Variants in TRIM42 observed in about 807,000 individuals in gnomAD.
TRIM42 encodes tripartite motif containing 42, also known as tripartite motif-containing protein 42.
TRIM42 carries 59 observed loss-of-function variants against 64.9 expected under a neutral mutation model. The ratio of observed to expected loss-of-function variants is 0.91; its 90% CI spans 0.74 to 1.13. The LOEUF is 1.13. Among genes scored for constraint, TRIM42 ranks in the 50% most tolerant of loss-of-function variants. The pLI, the probability that TRIM42 is intolerant of heterozygous loss-of-function variation, is 0.00. For synonymous variants in TRIM42, 354 were observed against 346.3 expected (o/e 1.02, Z -0.25); for missense variants, 878 against 929.5 (o/e 0.94, Z 0.72).
intron 4 of TRIM42, among the ~76,000 whole-genome samples, chr3:140,698,807 T>C (rs1988921441): frequency 6.6e-6 from 1 of 152,134 alleles, no homozygotes; most frequent in African/African-American, 2.4e-5. Flanking sequence ...CATATGATCC[T>C]ATCTCCTATA....
rs927405743 is a variant in TRIM42, at chr3:140,678,984, C to G, written c.341+414C>G. ...CCAGGATCACACAGCTGGAAAGATA[C>G]AGAGTCAGGATTGGAACCTAAAATT... On this transcript the variant is annotated intron_variant, in intron 1 of 4. Transcript: ENST00000286349. 1.2e-4 allele frequency among the ~76,000 whole-genome samples: 18 copies of G among 152,018 alleles called. 1 individual carries two copies. The highest frequency in any genetic ancestry group is 2.9e-5 in the Non-Finnish European group (2 of 68,014).
At chr3:140,683,386 A>ACTTTTCTC (rs1239625910) in intron 2 of TRIM42, among the ~76,000 whole-genome samples, 1 of 151,878 alleles carries the variant, frequency 6.6e-6, no homozygotes, top group Admixed American at 6.6e-5. Flanking sequence ...TCACCTATGA[A>ACTTTTCTC]ACGGGAATAG....
At chr3:140,699,799 A>C (rs1246576254) in intron 4 of TRIM42, among the ~76,000 whole-genome samples, 3 of 152,184 alleles carry the variant, frequency 2.0e-5, no homozygotes, top group African/African-American at 7.2e-5. Context: ...ATCTAATATC[A>C]TGTATATAAT....
Position 140,682,698 on chromosome 3 carries a change from G to T in TRIM42, c.578G>T (p.Arg193Leu). 1 of 1,612,532 alleles carries T rather than the reference G, an allele frequency of 6.2e-7. No individual in the cohort carries two copies. The highest frequency in any genetic ancestry group is 8.5e-7 in the Non-Finnish European group (1 of 1,180,014). ...ATCCTCATCTGCCCAGTGTGCGACC[G>T]CTCGCACTGCATGCCCTACAGCAAC... ...FFILICPVCD[R>L]SHCMPYSNKM... is the part of the protein sequence containing the mutation. Residue 193 changes from arginine (R) to leucine (L), a missense_variant, in exon 2 of 5, where the codon CGC becomes CTC. Physicochemically the swap from Arg to Leu is moderately radical, Grantham distance 102. Transcript: ENST00000286349.
intron 3 of TRIM42, among the ~76,000 whole-genome samples, chr3:140,689,367 G>A (rs1219971429): frequency 6.6e-6 from 1 of 152,144 alleles, no homozygotes; most frequent in African/African-American, 2.4e-5. Flanking sequence ...GCTCCCATGT[G>A]GCAGAGCTCA....
intron 4 of TRIM42, among the ~76,000 whole-genome samples, chr3:140,693,264 T>A (rs1988767861): frequency 6.6e-6 from 1 of 152,220 alleles, no homozygotes; most frequent in Admixed American, 6.5e-5. Context: ...TCCCTTGAAA[T>A]TGTGTTTATG....
Position 140,682,680 on chromosome 3 carries a change from T to A in TRIM42, c.560T>A (p.Ile187Asn). The A allele has an allele frequency of 6.2e-7, 1 of 1,613,082 alleles. No individual in the cohort carries two copies. Among genetic ancestry groups the A allele is most frequent in the Middle Eastern group, 1.6e-4 (1 of 6,062 alleles). The change falls in exon 2 of 5, where the codon ATC becomes AAC. Residue 187 changes from isoleucine to asparagine, a missense_variant. Ile to Asn is a moderately radical substitution (Grantham distance 149, BLOSUM62 -3). Transcript: ENST00000286349. ...AEVTENFFIL[I>N]CPVCDRSHCM... is the part of the protein sequence containing the mutation. ...GTCACCGAGAACTTCTTCATCCTCA[T>A]CTGCCCAGTGTGCGACCGCTCGCAC...
In TRIM42 at chr3:140,687,960, G is replaced by C. The variant is rs753105063; in HGVS notation, c.1278G>C (p.Leu426=). 7.4e-6 allele frequency: 12 copies of C among 1,614,084 alleles called. No homozygotes were observed. The African/African-American group carries it at 1.1e-4, about 14-fold the overall frequency. ...TGAAAGTGAACGAGATGGATGGTCTGATCGCCTACTCCAAGGAAGCCCTGA... is the reference window on the plus strand; with the variant it reads ...TGAAAGTGAACGAGATGGATGGTCTCATCGCCTACTCCAAGGAAGCCCTGA... ...TTMKVNEMDG[L]IAYSKEALKE... is the part of the protein sequence containing the mutation. The change falls in exon 3 of 5, where the codon CTG becomes CTC. Residue 426 remains leucine (L), a synonymous_variant. Coordinates refer to ENST00000286349, the MANE Select transcript of TRIM42 (RefSeq NM_152616.5).
intron 4 of TRIM42, among the ~76,000 whole-genome samples, chr3:140,695,907 G>A (rs1988834594): frequency 2.0e-5 from 3 of 152,156 alleles, no homozygotes; most frequent in African/African-American, 7.2e-5. Context: ...AACCAAGATG[G>A]TTTGCATTCT....
chr3:140,682,484 G>A lies in TRIM42; in HGVS notation c.364G>A (p.Gly122Arg). 1.2e-6 allele frequency: 2 copies of A among 1,613,948 alleles called. No individual in the cohort carries two copies. The highest frequency in any genetic ancestry group is 1.3e-5 in the African/African-American group (1 of 75,030). ...HTSSKTALRTGSSDTQVDEVK... is the reference protein window; with the variant it reads ...HTSSKTALRTRSSDTQVDEVK... ...CAGCTCCAAGACTGCCCTGCGCACT[G>A]GGAGCAGCGATACCCAGGTGGATGA... The change falls in exon 2 of 5, where the codon GGG becomes AGG. Residue 122 changes from glycine to arginine, a missense_variant. Transcript: ENST00000286349.
chr3:140,695,198 A>G (rs1988817502), intron 4 of TRIM42, among the ~76,000 whole-genome samples: 1 of 152,182 alleles, frequency 6.6e-6, no homozygotes, highest in East Asian at 1.9e-4. Context: ...CAGTGGGCCA[A>G]GATCAAGCCA....
At chr3:140,678,671 T>C in intron 1 of TRIM42, 101 bp downstream of exon 1, 1 of 962,720 alleles carries the variant, frequency 1.0e-6, no homozygotes, top group South Asian at 1.7e-5. Flanking sequence ...AGCCTCTGAG[T>C]TCATTTCTTT....
rs1288337462 is a variant in TRIM42, at chr3:140,682,559, C to T, written c.439C>T (p.Pro147Ser). ...NSHLVNHLNC[P>S]MCSRLRLHSF... ...TCACCTGGTGAACCACCTCAATTGC[C>T]CCATGTGCAGCCGGCTGCGCCTGCA... The change falls in exon 2 of 5, where the codon CCC (proline) becomes TCC (serine). Residue 147 changes from proline (P) to serine (S), a missense_variant. Physicochemically the swap from Pro to Ser is moderately conservative, Grantham distance 74 (BLOSUM62 -1). Coordinates refer to ENST00000286349, the MANE Select transcript of TRIM42 (RefSeq NM_152616.5). The T allele has an allele frequency of 6.2e-7, 1 of 1,614,248 alleles. No homozygotes were observed. The highest frequency in any genetic ancestry group is 1.7e-5 in the Admixed American group (1 of 60,032).
chr3:140,689,003 C>G (rs933632320), intron 3 of TRIM42, among the ~76,000 whole-genome samples: 3 of 152,196 alleles, frequency 2.0e-5, no homozygotes, highest in African/African-American at 7.2e-5. Context: ...TCCAGAATCT[C>G]TATGATTTGG....
chr3:140,699,301 G>C (rs1290347858), intron 4 of TRIM42, among the ~76,000 whole-genome samples: 1 of 152,018 alleles, frequency 6.6e-6, no homozygotes, highest in Non-Finnish European at 1.5e-5. Flanking sequence ...TGCTTATATT[G>C]TTTTTATCTG....
intron 4 of TRIM42, 146 bp from the exon 5 acceptor site, chr3:140,700,742 T>C: frequency 3.1e-6 from 2 of 647,208 alleles, no homozygotes; most frequent in Non-Finnish European, 5.4e-6. Flanking sequence ...CCTCAGCTTC[T>C]TCATCTATAA....
At position 140,687,722 on chromosome 3, in the gene TRIM42, T is replaced by G. The variant is rs1227461870; in HGVS notation, c.1040T>G (p.Val347Gly). 1 of 1,598,168 alleles carries G rather than the reference T, an allele frequency of 6.3e-7. No homozygotes were observed. Among genetic ancestry groups the G allele is most frequent in the Non-Finnish European group, 8.5e-7 (1 of 1,173,422 alleles). The change falls in exon 3 of 5, where the codon GTC becomes GGC. Residue 347 changes from valine (V) to glycine (G), a missense_variant and splice_region_variant. Coordinates refer to ENST00000286349, the MANE Select transcript of TRIM42 (RefSeq NM_152616.5). Reference sequence around the variant, plus strand: ...AGTAACTAACTTGGCATTTTTGCAGTCCGATATGAAATTGATAATGACCTA... The same window carrying G: ...AGTAACTAACTTGGCATTTTTGCAGGCCGATATGAAATTGATAATGACCTA... ...LFSAIAKFKA[V>G]RYEIDNDLME...
In TRIM42 at chr3:140,688,202, C is replaced by G. The variant is rs745736586; in HGVS notation, c.1520C>G (p.Pro507Arg). Residue 507 changes from proline (P) to arginine (R), a missense_variant, in exon 3 of 5, where the codon CCC becomes CGC. Transcript: ENST00000286349. ...TCCTCAGGGGACTCCCTGCCCTCCCCCTACCCCGTGCACTCAGAAACAATG... is the reference window on the plus strand; with the variant it reads ...TCCTCAGGGGACTCCCTGCCCTCCCGCTACCCCGTGCACTCAGAAACAATG... The part of the protein sequence containing the change: ...VRSSGDSLPS[P>R]YPVHSETMIA... 10 of 1,614,112 alleles carry G rather than the reference C, an allele frequency of 6.2e-6. No individual in the cohort carries two copies. Among genetic ancestry groups the G allele is most frequent in the South Asian group, 4.4e-5 (4 of 91,088 alleles).
At position 140,682,942 on chromosome 3, in the gene TRIM42, C is replaced by G. The variant is rs754859495; in HGVS notation, c.822C>G (p.Asp274Glu). ...KAFHSDVAMQ[D>E]HVFVDTSAEE... Reference sequence around the variant, plus strand: ...TCCACTCGGATGTGGCCATGCAAGACCACGTCTTTGTGGACACCAGCGCCG... The same window carrying G: ...TCCACTCGGATGTGGCCATGCAAGAGCACGTCTTTGTGGACACCAGCGCCG... The change falls in exon 2 of 5, where the codon GAC (aspartate) becomes GAG (glutamate). Residue 274 changes from aspartate to glutamate, a missense_variant. Coordinates refer to ENST00000286349, the MANE Select transcript of TRIM42 (RefSeq NM_152616.5). 6.2e-7 allele frequency: 1 copy of G among 1,614,254 alleles called. No individual in the cohort carries two copies. The highest frequency in any genetic ancestry group is 8.5e-7 in the Non-Finnish European group (1 of 1,180,048).
Sources: allele counts gnomAD v4.1 joint callset (sites outside exome capture counted in the v4.1 genomes callset), GRCh38; gene constraint gnomAD v4.1.1; transcripts MANE v1.5; gene names NCBI Gene and HGNC (gene_info 2026-07-23, HGNC 2026-07-21).